Variants in C6orf89 observed in about 807,000 individuals in gnomAD.
C6orf89 encodes bombesin receptor-activated protein C6orf89.
Under a neutral mutation model 40.7 loss-of-function variants are expected in C6orf89, and 29 were observed. The ratio of observed to expected loss-of-function variants is 0.71; its 90% confidence interval spans 0.53 to 0.97. The LOEUF (loss-of-function observed/expected upper bound fraction) is 0.97, where lower values mean the gene tolerates loss of function less well. C6orf89 is among the 50% of genes least tolerant of loss of function. The probability of loss-of-function intolerance (pLI) is 0.00; values close to 1 mark genes in which losing one functional copy is unlikely to be tolerated. For missense variants in C6orf89, 392 were observed against 429.1 expected, an observed-to-expected ratio of 0.91 and a Z score of 0.76; for synonymous variants, 165 against 152.2, an observed-to-expected ratio of 1.08 and a Z score of -0.62.
In C6orf89 at chr6:36,919,721, G is replaced by A; in HGVS notation, c.949+20G>A. Reference sequence around the variant, plus strand: ...ATATCGGTATGTAGGGCCCCAGGAGGGCAGGGTCAATGGATCTTTTTAGTT... The same window carrying A: ...ATATCGGTATGTAGGGCCCCAGGAGAGCAGGGTCAATGGATCTTTTTAGTT... On this transcript the variant is annotated intron_variant, in intron 8 of 8. Transcript: ENST00000480824. The A allele has an allele frequency of 6.3e-7, 1 of 1,582,594 alleles. No individual in the cohort carries two copies. The highest frequency in any genetic ancestry group is 8.6e-7 in the Non-Finnish European group (1 of 1,160,758).
chr6:36,882,407 C>A (rs1426762634), upstream of C6orf89, among the ~76,000 whole-genome samples: 2 of 152,190 alleles, frequency 1.3e-5, no homozygotes, highest in African/African-American at 4.8e-5. Context: ...GTGCTATGCA[C>A]CTAAATTGGA....
intron 8 of C6orf89, 25 bp downstream of exon 8, chr6:36,919,726 G>T: frequency 6.4e-7 from 1 of 1,567,830 alleles, no homozygotes; most frequent in South Asian, 1.2e-5. Context: ...AGGAGGGCAG[G>T]GTCAATGGAT....
chr6:36,911,932 C>G (rs867219078), intron 4 of C6orf89, among the ~76,000 whole-genome samples: 1 of 76,462 alleles, frequency 1.3e-5, no homozygotes, highest in African/African-American at 5.2e-5. Context: ...CACAGTGAAC[C>G]CCCCCCCCCC....
chr6:36,908,158 A>C (rs1310456055), intron 4 of C6orf89, among the ~76,000 whole-genome samples: 1 of 152,180 alleles, frequency 6.6e-6, no homozygotes, highest in Non-Finnish European at 1.5e-5. Context: ...GAGAAATCAA[A>C]AGTAGTTCTT....
At chr6:36,895,127 G>A (rs1158677286) in intron 2 of C6orf89, among the ~76,000 whole-genome samples, 1 of 152,116 alleles carries the variant, frequency 6.6e-6, no homozygotes, top group Non-Finnish European at 1.5e-5. Context: ...ATGCATTGCT[G>A]TACATCTCTG....
At chr6:36,902,734 G>A (rs1253736608) in intron 4 of C6orf89, among the ~76,000 whole-genome samples, 5 of 152,154 alleles carry the variant, frequency 3.3e-5, no homozygotes, top group Admixed American at 3.3e-4. Context: ...AAAAGGATTT[G>A]ATTGTATCTC....
Position 36,927,848 on chromosome 6 carries a change from C to G in C6orf89, c.*4407C>G, listed in dbSNP as rs548076254. 1 of 152,526 alleles carries G rather than the reference C, an allele frequency of 6.6e-6. No homozygotes were observed. The highest frequency in any genetic ancestry group is 6.5e-5 in the Admixed American group (1 of 15,304). The allele number at this position is 152,526 out of a possible 1,614,324, so 9.4% of individuals were successfully genotyped here. A position where few individuals can be genotyped will look rare whatever the true frequency, so the allele number is the denominator to read the frequency against. ...GGCATTTCCCTGTCCTCCCCACCCC[C>G]AGTCTCCACATCCCCAGCAGCCTCT... On this transcript the variant is annotated 3_prime_UTR_variant, in exon 9 of 9. Coordinates refer to ENST00000480824, the MANE Select transcript of C6orf89 (RefSeq NM_001286635.2).
intron 8 of C6orf89, among the ~76,000 whole-genome samples, chr6:36,921,030 G>T (rs1005211910): frequency 2.2e-4 from 34 of 152,112 alleles, no homozygotes; most frequent in Non-Finnish European, 4.1e-4. Context: ...TCAAATGCTG[G>T]TACAGATAGT....
upstream of C6orf89, among the ~76,000 whole-genome samples, chr6:36,882,734 C>CTTTT (rs1178360256): frequency 1.0e-3 from 47 of 46,238 alleles, no homozygotes; most frequent in East Asian, 2.9e-3. Flanking sequence ...TTTCTTTTTT[C>CTTTT]TTTTTTTTTT....
chr6:36,874,500 G>A (rs1292168811), intron 1 of C6orf89, among the ~76,000 whole-genome samples: 1 of 152,254 alleles, frequency 6.6e-6, no homozygotes, highest in African/African-American at 2.4e-5. Flanking sequence ...AGGACAATCA[G>A]GCAGCTATTG....
chr6:36,880,646 C>G (rs1774782658), intron 2 of C6orf89, among the ~76,000 whole-genome samples: 1 of 152,162 alleles, frequency 6.6e-6, no homozygotes, highest in Admixed American at 6.5e-5. Flanking sequence ...TTGCTATATG[C>G]TTCAAGGTCA....
chr6:36,882,722 TTTTTC>T (rs1465232376), upstream of C6orf89, among the ~76,000 whole-genome samples: 22 of 124,740 alleles, frequency 1.8e-4, no homozygotes, highest in South Asian at 5.1e-4. Context: ...TCTTTTTTTT[TTTTTC>T]TTTTTTCTTT....
intron 4 of C6orf89, among the ~76,000 whole-genome samples, chr6:36,912,256 T>C (rs939434046): frequency 1.3e-5 from 2 of 152,130 alleles, no homozygotes; most frequent in Admixed American, 6.5e-5. Context: ...CCTCTAACTT[T>C]CAGTTTGTTC....
At chr6:36,912,672 C>A (rs1367848805) in intron 4 of C6orf89, among the ~76,000 whole-genome samples, 1 of 152,136 alleles carries the variant, frequency 6.6e-6, no homozygotes, top group East Asian at 1.9e-4. Context: ...AGCGGTAATC[C>A]TCTGACTAAT....
chr6:36,895,426 G>A (rs1170574157), intron 2 of C6orf89, among the ~76,000 whole-genome samples: 1 of 152,080 alleles, frequency 6.6e-6, no homozygotes, highest in Non-Finnish European at 1.5e-5. Flanking sequence ...ATGTGGGGTC[G>A]AAATGAGGCT....
upstream of C6orf89, among the ~76,000 whole-genome samples, chr6:36,882,929 C>T (rs1176090054): frequency 6.6e-6 from 1 of 151,198 alleles, no homozygotes; most frequent in African/African-American, 2.4e-5. Context: ...TTAGTAGAGA[C>T]GGGGTTTCAC....
chr6:36,889,588 A>C (rs58181628), intron 1 of C6orf89, among the ~76,000 whole-genome samples: 4,019 of 151,670 alleles, frequency 0.026, 189 homozygotes, highest in African/African-American at 0.091. Flanking sequence ...AAAACAAAAA[A>C]AAAAAGAAAA....
Position 36,902,357 on chromosome 6 carries a change from T to A in C6orf89, c.326T>A (p.Leu109Ter). The change falls in exon 4 of 9, where the codon TTG (leucine) becomes TAG (stop). Residue 109 changes from leucine to a stop codon, truncating the protein, a stop_gained. Transcript: ENST00000480824. LOFTEE classifies it high-confidence loss of function. ...ATCCATCACATTAGGCTGATGTCCT[T>A]GCCCATTGCCAAGAAGTACATGTCA... ...SLIHHIRLMS[L>*]PIAKKYMSEN... 1.2e-6 allele frequency: 2 copies of A among 1,614,194 alleles called. No homozygotes were observed. The highest frequency in any genetic ancestry group is 1.7e-6 in the Non-Finnish European group (2 of 1,180,046).
chr6:36,904,884 A>G (rs1228911775), intron 4 of C6orf89, among the ~76,000 whole-genome samples: 6 of 152,092 alleles, frequency 3.9e-5, no homozygotes, highest in Non-Finnish European at 4.4e-5. Context: ...GTGATGTACA[A>G]GAGGCACCAC....
Sources: allele counts gnomAD v4.1 joint callset (sites outside exome capture counted in the v4.1 genomes callset), GRCh38; gene constraint gnomAD v4.1.1; transcripts MANE v1.5; gene names NCBI Gene and HGNC (gene_info 2026-07-23, HGNC 2026-07-21).